The following GPHN variants were observed in gnomAD, a reference collection of about 807,000 sequenced individuals.
GPHN encodes gephyrin.
A neutral mutation model predicts 95.5 loss-of-function variants in GPHN; 17 were observed. The observed-to-expected ratio is 0.18, with a 90% confidence interval of 0.12 to 0.27. The LOEUF (loss-of-function observed/expected upper bound fraction) is 0.27. GPHN is among the 10% of genes least tolerant of loss of function. The pLI, the probability that GPHN is intolerant of heterozygous loss-of-function variation, is 1.00. For missense variants in GPHN, 660 were observed against 978.1 expected (o/e 0.67, Z 4.34); for synonymous variants, 320 against 322.5 (o/e 0.99, Z 0.08).
chr14:66,716,615 T>C (rs1186346297), intron 2 of GPHN, among the ~76,000 whole-genome samples: 1 of 152,196 alleles, frequency 6.6e-6, no homozygotes, highest in Non-Finnish European at 1.5e-5. Flanking sequence ...TTATAGGTCA[T>C]GTGAGATTTA....
chr14:67,199,098 G>T, the GPHN span: 1 of 1,103,672 alleles, frequency 9.1e-7, no homozygotes, highest in Non-Finnish European at 1.4e-6. Flanking sequence ...GAACCAGGAT[G>T]CCACTGTGTA....
chr14:66,993,666 G>T (rs575562877), intron 9 of GPHN, among the ~76,000 whole-genome samples: 1 of 152,210 alleles, frequency 6.6e-6, no homozygotes, highest in South Asian at 2.1e-4. Flanking sequence ...AGCTAACTTT[G>T]AGTGGGGAAG....
At chr14:66,681,235 G>A (rs943288592) in intron 2 of GPHN, 50 bp downstream of exon 2, 45 of 1,103,022 alleles carry the variant, frequency 4.1e-5, no homozygotes, top group Non-Finnish European at 6.0e-5. Flanking sequence ...TTTATTATTA[G>A]TGTTCCTTTT....
At chr14:66,851,364 C>T (rs994452376) in intron 4 of GPHN, among the ~76,000 whole-genome samples, 1 of 151,296 alleles carries the variant, frequency 6.6e-6, no homozygotes, top group African/African-American at 2.4e-5. Flanking sequence ...TTTTCAAAGA[C>T]AGGAGCTCCC....
chr14:67,031,152 G>A (rs2074178649), intron 10 of GPHN, among the ~76,000 whole-genome samples: 1 of 152,058 alleles, frequency 6.6e-6, no homozygotes, highest in Admixed American at 6.6e-5. Flanking sequence ...CTTGCCTGGA[G>A]TGTAAGTCAG....
chr14:66,564,722 A>AG (rs1461250506), intron 1 of GPHN, among the ~76,000 whole-genome samples: 13 of 152,198 alleles, frequency 8.5e-5, no homozygotes, highest in South Asian at 4.2e-4. Flanking sequence ...GGTCACTGTG[A>AG]GGTAGGTATA....
intron 9 of GPHN, among the ~76,000 whole-genome samples, chr14:67,011,627 A>G (rs983978208): frequency 6.6e-6 from 1 of 151,104 alleles, no homozygotes; most frequent in Non-Finnish European, 1.5e-5. Context: ...TTCTTTCCAC[A>G]TATGGGGCAT....
chr14:66,856,611 C>T (rs1346118008), intron 4 of GPHN, among the ~76,000 whole-genome samples: 1 of 151,936 alleles, frequency 6.6e-6, no homozygotes, highest in African/African-American at 2.4e-5. Flanking sequence ...AACATCTGAA[C>T]TCAATCTATA....
chr14:67,150,465 A>ACAAAACAAAAC (rs1057455795), intron 18 of GPHN, among the ~76,000 whole-genome samples: 2,079 of 150,012 alleles, frequency 0.014, 15 homozygotes, highest in Non-Finnish European at 0.021. Flanking sequence ...AAAAAAAAAA[A>ACAAAACAAAAC]AAAAAAAACA....
intron 4 of GPHN, among the ~76,000 whole-genome samples, chr14:66,851,601 C>T (rs535064924): frequency 2.6e-5 from 4 of 152,124 alleles, no homozygotes; most frequent in East Asian, 3.9e-4. Flanking sequence ...TGGCTGAAAC[C>T]GTTAAGTTGA....
intron 19 of GPHN, among the ~76,000 whole-genome samples, chr14:67,163,765 A>G (rs2082100887): frequency 6.6e-6 from 1 of 152,188 alleles, no homozygotes; most frequent in African/African-American, 2.4e-5. Flanking sequence ...TGTATGAAAA[A>G]AGTATGCCCT....
chr14:67,372,838 C>G, the GPHN span, among the ~76,000 whole-genome samples: 2 of 146,634 alleles, frequency 1.4e-5, no homozygotes, highest in African/African-American at 5.1e-5. Context: ...AAAAAAAAAA[C>G]AAAAAACAAA....
chr14:66,867,788 C>G (rs2063284040), intron 4 of GPHN, among the ~76,000 whole-genome samples: 1 of 152,136 alleles, frequency 6.6e-6, no homozygotes, highest in Non-Finnish European at 1.5e-5. Context: ...CAAAGTTGAA[C>G]ATAAAGTGAT....
intron 18 of GPHN, among the ~76,000 whole-genome samples, chr14:67,150,457 A>AAC (rs1555503606): frequency 2.7e-5 from 4 of 149,844 alleles, no homozygotes; most frequent in East Asian, 1.9e-4. Flanking sequence ...AAAAAACAAA[A>AAC]AAAAAAAAAA....
At chr14:67,211,349 A>T in the GPHN span, among the ~76,000 whole-genome samples, 1 of 152,200 alleles carries the variant, frequency 6.6e-6, no homozygotes, top group Non-Finnish European at 1.5e-5. Context: ...CATTGAATAC[A>T]GTACAAACAT....
At chr14:66,680,018 T>C (rs947816117) in intron 1 of GPHN, among the ~76,000 whole-genome samples, 3 of 152,220 alleles carry the variant, frequency 2.0e-5, no homozygotes, top group African/African-American at 7.2e-5. Flanking sequence ...ATATTATTTT[T>C]CTTCAATTCT....
intron 12 of GPHN, among the ~76,000 whole-genome samples, chr14:67,096,491 T>A (rs1297733210): frequency 1.3e-5 from 2 of 152,184 alleles, no homozygotes; most frequent in Non-Finnish European, 2.9e-5. Context: ...CACCAAAAAC[T>A]TTTTGAGAAT....
the GPHN span, among the ~76,000 whole-genome samples, chr14:67,232,274 T>C: frequency 1.3e-5 from 2 of 152,232 alleles, no homozygotes; most frequent in Non-Finnish European, 2.9e-5. Flanking sequence ...TTAGATCATT[T>C]GCCTTGGGGG....
intron 1 of GPHN, among the ~76,000 whole-genome samples, chr14:66,673,627 A>G (rs2066423616): frequency 6.6e-6 from 1 of 152,246 alleles, no homozygotes; most frequent in Non-Finnish European, 1.5e-5. Context: ...ACAAACTATT[A>G]TGTTAGATAA....
Sources: allele counts gnomAD v4.1 joint callset (sites outside exome capture counted in the v4.1 genomes callset), GRCh38; gene constraint gnomAD v4.1.1; transcripts MANE v1.5; gene names NCBI Gene and HGNC (gene_info 2026-07-23, HGNC 2026-07-21).